RAP1GDS1: variants seen among roughly 807,000 people sequenced by gnomAD.
RAP1GDS1 encodes Rap1 GTPase-GDP dissociation stimulator 1, also known as RAP1, GTP-GDP dissociation stimulator 1.
RAP1GDS1 carries 35 observed loss-of-function variants against 71.1 expected under a neutral mutation model. That is an observed-to-expected ratio of 0.49 (90% confidence interval 0.38 to 0.65). RAP1GDS1 has a LOEUF of 0.65. Ranked by LOEUF, RAP1GDS1 falls within the 30% of genes least tolerant of loss-of-function variation. RAP1GDS1 has a pLI of 0.00. For missense variants in RAP1GDS1, 663 were observed against 706.1 expected, an observed-to-expected ratio of 0.94 and a Z score of 0.69; for synonymous variants, 229 against 243.1, an observed-to-expected ratio of 0.94 and a Z score of 0.54.
intron 2 of RAP1GDS1, among the ~76,000 whole-genome samples, chr4:98,331,527 A>G (rs1170496898): frequency 6.6e-6 from 1 of 152,248 alleles, no homozygotes; most frequent in African/African-American, 2.4e-5. Context: ...TTTGTGGCAT[A>G]TGACATATTA....
chr4:98,403,162 G>A (rs1034665605), intron 6 of RAP1GDS1, among the ~76,000 whole-genome samples: 2 of 152,076 alleles, frequency 1.3e-5, no homozygotes, highest in Non-Finnish European at 2.9e-5. Context: ...AGATAACAGG[G>A]TATCTAGTAC....
chr4:98,392,200 C>T, intron 6 of RAP1GDS1, 120 bp downstream of exon 6: 9 of 942,348 alleles, frequency 9.6e-6, no homozygotes, highest in African/African-American at 1.7e-5. Flanking sequence ...TTTTTTGAAG[C>T]ATTTGAGATA....
At chr4:98,318,994 G>T (rs1731364394) in intron 2 of RAP1GDS1, among the ~76,000 whole-genome samples, 1 of 152,180 alleles carries the variant, frequency 6.6e-6, no homozygotes, top group African/African-American at 2.4e-5. Flanking sequence ...TCTGGGGGGG[G>T]AAATGAGGTT....
chr4:98,420,374 A>G (rs1416189655), intron 11 of RAP1GDS1, among the ~76,000 whole-genome samples: 1 of 150,250 alleles, frequency 6.7e-6, no homozygotes. Flanking sequence ...TTGTTTATTT[A>G]TTTATTTTTG....
intron 7 of RAP1GDS1, among the ~76,000 whole-genome samples, chr4:98,406,624 T>A (rs1746152002): frequency 6.6e-6 from 1 of 152,026 alleles, no homozygotes; most frequent in African/African-American, 2.4e-5. Context: ...GATAGAAGAA[T>A]AAGGTTATAG....
intron 2 of RAP1GDS1, among the ~76,000 whole-genome samples, chr4:98,319,828 G>C (rs974599334): frequency 1.4e-4 from 21 of 150,188 alleles, no homozygotes; most frequent in Non-Finnish European, 3.0e-4. Context: ...AACTACACAG[G>C]TCCTCTTATA....
chr4:98,383,544 T>A (rs1742311281), intron 5 of RAP1GDS1, among the ~76,000 whole-genome samples: 1 of 151,542 alleles, frequency 6.6e-6, no homozygotes, highest in Non-Finnish European at 1.5e-5. Flanking sequence ...ACATGATAAT[T>A]CTTATATTTA....
rs7688828 is a variant in RAP1GDS1 at position 98,426,663 on chromosome 4, A to G, written c.1440+5269A>G. On this transcript the variant is annotated intron_variant, in intron 12 of 14. Transcript: ENST00000408927. ...AAATACAACCTTGCTAGCTTAAATC[A>G]GGAAGAATTATTTAGATACCCTGAA... is the stretch of plus-strand genomic sequence containing the variant. Among the ~76,000 whole-genome samples the G allele has an allele frequency of 3.0e-3, 455 of 152,260 alleles. 1 individual carries two copies. Among genetic ancestry groups the G allele is most frequent in the African/African-American group, 0.01 (431 of 41,568 alleles).
intron 5 of RAP1GDS1, among the ~76,000 whole-genome samples, chr4:98,388,452 G>A (rs888937896): frequency 2.0e-5 from 3 of 152,154 alleles, no homozygotes; most frequent in Non-Finnish European, 2.9e-5. Flanking sequence ...CCTGGTGGGC[G>A]CTGTAGCTCA....
chr4:98,310,407 A>G (rs1730030327), intron 2 of RAP1GDS1, among the ~76,000 whole-genome samples: 1 of 152,204 alleles, frequency 6.6e-6, no homozygotes, highest in Non-Finnish European at 1.5e-5. Context: ...TAGTGGGACT[A>G]CATATTTACT....
In RAP1GDS1 at chr4:98,319,802, G is replaced by T. The variant is rs550404816; in HGVS notation, c.113-23337G>T. ...TCAAAAAAAAAAAAAAAAAAAAAGA[G>T]AGAAATTGGCGTTTGAACTACACAG... On this transcript the variant is annotated intron_variant, in intron 2 of 14. Transcript: ENST00000408927. Among the ~76,000 whole-genome samples, 384 of 146,604 alleles carry T rather than the reference G, an allele frequency of 2.6e-3. 3 individuals are homozygous for T. Among genetic ancestry groups the T allele is most frequent in the African/African-American group, 9.3e-3 (370 of 39,716 alleles).
At chr4:98,411,874 T>A (rs1047569804) in intron 7 of RAP1GDS1, among the ~76,000 whole-genome samples, 1 of 152,178 alleles carries the variant, frequency 6.6e-6, no homozygotes, top group African/African-American at 2.4e-5. Context: ...ATCATAGTTT[T>A]TAATTCTAGT....
intron 2 of RAP1GDS1, among the ~76,000 whole-genome samples, chr4:98,324,150 T>A (rs543406762): frequency 6.8e-6 from 1 of 147,670 alleles, no homozygotes; most frequent in Non-Finnish European, 1.5e-5. Flanking sequence ...AGCCAAATCA[T>A]GAGTGAACTC....
intron 3 of RAP1GDS1, among the ~76,000 whole-genome samples, chr4:98,352,074 G>T (rs1737287927): frequency 1.3e-5 from 2 of 151,446 alleles, no homozygotes; most frequent in Admixed American, 1.3e-4. Flanking sequence ...GCAATATGAT[G>T]GCTTAGTTTA....
chr4:98,370,307 A>C (rs1344848944), intron 4 of RAP1GDS1, among the ~76,000 whole-genome samples: 2 of 152,186 alleles, frequency 1.3e-5, no homozygotes. Context: ...TTTTACTCCT[A>C]TTAAGTAGGA....
chr4:98,301,411 A>ATGG (rs1405543896), intron 2 of RAP1GDS1, among the ~76,000 whole-genome samples: 2 of 152,176 alleles, frequency 1.3e-5, no homozygotes, highest in Non-Finnish European at 2.9e-5. Flanking sequence ...TTGCCATAGG[A>ATGG]TGGTGGTGGC....
chr4:98,312,805 C>T (rs1317335039), intron 2 of RAP1GDS1, among the ~76,000 whole-genome samples: 1 of 151,590 alleles, frequency 6.6e-6, no homozygotes, highest in African/African-American at 2.4e-5. Context: ...CACGGTGGCT[C>T]ACGCCTGTAA....
intron 4 of RAP1GDS1, among the ~76,000 whole-genome samples, chr4:98,369,993 T>TA (rs772865952): frequency 7.9e-5 from 12 of 152,238 alleles, no homozygotes; most frequent in Admixed American, 2.0e-4. Context: ...AATCTCTTTC[T>TA]GACTCCTCCA....
chr4:98,373,265 C>T (rs996014201), intron 4 of RAP1GDS1, among the ~76,000 whole-genome samples: 2 of 152,088 alleles, frequency 1.3e-5, no homozygotes, highest in Admixed American at 6.5e-5. Flanking sequence ...AAAGATGTTA[C>T]TTCATTGTCT....
Sources: allele counts gnomAD v4.1 joint callset (sites outside exome capture counted in the v4.1 genomes callset), GRCh38; gene constraint gnomAD v4.1.1; transcripts MANE v1.5; gene names NCBI Gene and HGNC (gene_info 2026-07-23, HGNC 2026-07-21).